SGPP1: variants seen among roughly 807,000 people sequenced by gnomAD.
The protein encoded by SGPP1 is sphingosine-1-phosphate phosphatase 1.
Under a neutral mutation model 33.0 loss-of-function variants are expected in SGPP1, and 21 were observed. The ratio of observed to expected loss-of-function variants is 0.64; its 90% CI spans 0.45 to 0.92. SGPP1 has a LOEUF of 0.92. Among genes scored for constraint, SGPP1 ranks in the 40% least tolerant of loss-of-function variants. SGPP1 has a pLI of 0.00. For synonymous variants in SGPP1, 239 were observed against 241.2 expected, an observed-to-expected ratio of 0.99 and a Z score of 0.08; for missense variants, 543 against 589.4, an observed-to-expected ratio of 0.92 and a Z score of 0.81.
At chr14:63,718,847 A>G (rs1354510862) in intron 1 of SGPP1, among the ~76,000 whole-genome samples, 1 of 150,464 alleles carries the variant, frequency 6.6e-6, no homozygotes, top group African/African-American at 2.4e-5. Context: ...AAAAGGAAAC[A>G]TAAGTGGTCA....
intron 1 of SGPP1, among the ~76,000 whole-genome samples, chr14:63,700,985 AT>A (rs887393766): frequency 2.2e-3 from 319 of 145,948 alleles, no homozygotes; most frequent in African/African-American, 3.0e-3. Flanking sequence ...GTAACACAAG[AT>A]TTTTTTTTTT....
intron 1 of SGPP1, among the ~76,000 whole-genome samples, chr14:63,703,045 G>A (rs1885333050): frequency 6.6e-6 from 1 of 152,046 alleles, no homozygotes; most frequent in Non-Finnish European, 1.5e-5. Context: ...CTCTGCTGAT[G>A]AGCGGGGCTA....
intron 1 of SGPP1, 67 bp downstream of exon 1, chr14:63,727,194 A>C: frequency 6.7e-7 from 1 of 1,499,494 alleles, no homozygotes; most frequent in Non-Finnish European, 8.9e-7. Context: ...AAATAAATGC[A>C]GAGAGCAAAG....
chr14:63,728,050 G>T lies in SGPP1; in HGVS notation c.-106C>A. ...AACCGGCACAGCGCTCTACCCTCCGGAGTCTGCCGGGTGACGGCGCCACAG... is the reference window on the plus strand; with the variant it reads ...AACCGGCACAGCGCTCTACCCTCCGTAGTCTGCCGGGTGACGGCGCCACAG... On this transcript the variant is annotated 5_prime_UTR_variant, in exon 1 of 3. Coordinates refer to ENST00000247225, the MANE Select transcript of SGPP1 (RefSeq NM_030791.4). The T allele has an allele frequency of 8.4e-7, 1 of 1,196,078 alleles. No individual in the cohort carries two copies. Among genetic ancestry groups the T allele is most frequent in the Non-Finnish European group, 1.1e-6 (1 of 946,216 alleles). 74.1% of individuals were successfully genotyped at this position (1,196,078 alleles called of 1,614,324 possible).
At chr14:63,718,110 T>A (rs1595071822) in intron 1 of SGPP1, among the ~76,000 whole-genome samples, 1 of 151,970 alleles carries the variant, frequency 6.6e-6, no homozygotes, top group Non-Finnish European at 1.5e-5. Flanking sequence ...TAGCCAGGCA[T>A]GTTGGTGCTC....
intron 1 of SGPP1, among the ~76,000 whole-genome samples, chr14:63,703,374 GCCAGGCACAGTGGTTC>G (rs1885340663): frequency 4.6e-5 from 7 of 151,994 alleles, no homozygotes; most frequent in Admixed American, 3.9e-4. Flanking sequence ...CCTAATTAAG[GCCAGGCACAGTGGTTC>G]ATGCCTATAA....
At chr14:63,699,505 T>G (rs968175997) in intron 1 of SGPP1, among the ~76,000 whole-genome samples, 2 of 152,158 alleles carry the variant, frequency 1.3e-5, no homozygotes, top group African/African-American at 4.8e-5. Flanking sequence ...GGGACTTAAG[T>G]AAGCTTGTAA....
chr14:63,728,036 C>T lies in SGPP1; in HGVS notation c.-92G>A. The T allele has an allele frequency of 7.6e-7, 1 of 1,315,152 alleles. No individual in the cohort carries two copies. The highest frequency in any genetic ancestry group is 1.5e-5 in the African/African-American group (1 of 64,864). The allele number at this position is 1,315,152 out of a possible 1,614,324, so 81.5% of individuals were successfully genotyped here. On this transcript the variant is annotated 5_prime_UTR_variant, in exon 1 of 3. Coordinates refer to ENST00000247225, the MANE Select transcript of SGPP1 (RefSeq NM_030791.4). ...GCCAGCGGCAGCGGAACCGGCACAGCGCTCTACCCTCCGGAGTCTGCCGGG... is the reference window on the plus strand; with the variant it reads ...GCCAGCGGCAGCGGAACCGGCACAGTGCTCTACCCTCCGGAGTCTGCCGGG...
intron 1 of SGPP1, among the ~76,000 whole-genome samples, chr14:63,709,578 GTTTTCA>G (rs1885482558): frequency 6.6e-6 from 1 of 151,888 alleles, no homozygotes; most frequent in African/African-American, 2.4e-5. Flanking sequence ...CCTGGCTTCT[GTTTTCA>G]TTTTCATAGA....
chr14:63,705,742 G>C (rs1223953041), intron 1 of SGPP1, among the ~76,000 whole-genome samples: 1 of 152,154 alleles, frequency 6.6e-6, no homozygotes, highest in Non-Finnish European at 1.5e-5. Context: ...CACTAGGATA[G>C]CTATAATAAT....
At chr14:63,706,870 T>C (rs925516628) in intron 1 of SGPP1, among the ~76,000 whole-genome samples, 19 of 151,788 alleles carry the variant, frequency 1.3e-4, no homozygotes, top group Non-Finnish European at 2.9e-5. Flanking sequence ...TGGCGAAACC[T>C]TGTCTCTACT....
At chr14:63,697,427 T>TTAGAAAC (rs1885208812) in intron 2 of SGPP1, among the ~76,000 whole-genome samples, 1 of 152,196 alleles carries the variant, frequency 6.6e-6, no homozygotes, top group South Asian at 2.1e-4. Flanking sequence ...ACATGACCCA[T>TTAGAAAC]TAGAAACTAG....
At position 63,728,031 on chromosome 14, in the gene SGPP1, C is replaced by G; in HGVS notation, c.-87G>C. On this transcript the variant is annotated 5_prime_UTR_variant, in exon 1 of 3. Transcript: ENST00000247225. The stretch of plus-strand genomic sequence containing the variant: ...TCCTGGCCAGCGGCAGCGGAACCGG[C>G]ACAGCGCTCTACCCTCCGGAGTCTG... The G allele has an allele frequency of 7.2e-7, 1 of 1,385,140 alleles. No individual in the cohort carries two copies. Among genetic ancestry groups the G allele is most frequent in the Non-Finnish European group, 9.4e-7 (1 of 1,065,448 alleles). The allele number at this position is 1,385,140 out of a possible 1,614,324, so 85.8% of individuals were successfully genotyped here.
At position 63,685,176 on chromosome 14, in the gene SGPP1, G is replaced by A. The variant is rs1211307108; in HGVS notation, c.*929C>T. On this transcript the variant is annotated 3_prime_UTR_variant, in exon 3 of 3. Coordinates refer to ENST00000247225, the MANE Select transcript of SGPP1 (RefSeq NM_030791.4). ...TCTAATAAATTGGTGAGAAAGTTTA[G>A]CCCATTCCACATTTCTTTCTAAATA... The A allele has an allele frequency of 6.6e-6, 1 of 152,332 alleles. No individual in the cohort carries two copies. Among genetic ancestry groups the A allele is most frequent in the Non-Finnish European group, 1.5e-5 (1 of 67,910 alleles). The allele number at this position is 152,332 out of a possible 1,614,324, so 9.4% of individuals were successfully genotyped here.
At chr14:63,710,497 A>G (rs953806121) in intron 1 of SGPP1, among the ~76,000 whole-genome samples, 1 of 152,200 alleles carries the variant, frequency 6.6e-6, no homozygotes, top group Admixed American at 6.5e-5. Flanking sequence ...TTTAAGAAGA[A>G]AAAAAGGAGA....
At chr14:63,714,460 T>G (rs1220370602) in intron 1 of SGPP1, among the ~76,000 whole-genome samples, 2 of 152,172 alleles carry the variant, frequency 1.3e-5, no homozygotes, top group Non-Finnish European at 2.9e-5. Flanking sequence ...TCGTTCTATC[T>G]CCCAGGCTAA....
At chr14:63,695,101 G>A (rs1047551128) in intron 2 of SGPP1, among the ~76,000 whole-genome samples, 6 of 151,924 alleles carry the variant, frequency 3.9e-5, no homozygotes, top group African/African-American at 9.7e-5. Context: ...CTGTCGCCCA[G>A]GCTGGAGTGC....
At chr14:63,702,499 C>A (rs1291660228) in intron 1 of SGPP1, among the ~76,000 whole-genome samples, 3 of 152,102 alleles carry the variant, frequency 2.0e-5, no homozygotes, top group Non-Finnish European at 4.4e-5. Context: ...CACTTGAGAT[C>A]ATGAGTTTGA....
intron 1 of SGPP1, 143 bp downstream of exon 1, chr14:63,727,116 AAG>A: frequency 7.5e-7 from 1 of 1,342,070 alleles, no homozygotes; most frequent in Non-Finnish European, 9.7e-7. Flanking sequence ...AAAACCCAGA[AAG>A]GGCCTGTTTG....
Sources: gnomAD v4.1 joint callset for allele counts (sites outside exome capture counted in the v4.1 genomes callset) on GRCh38, gnomAD v4.1.1 for gene constraint, MANE v1.5 for transcripts, NCBI Gene and HGNC (gene_info 2026-07-23, HGNC 2026-07-21) for gene names.